The following RBFOX3 variants were observed in gnomAD, a reference collection of about 807,000 sequenced individuals.
RBFOX3 encodes the protein RNA binding protein fox-1 homolog 3.
A neutral mutation model predicts 48.7 loss-of-function variants in RBFOX3; 17 were observed. The ratio of observed to expected loss-of-function variants is 0.35; its 90% CI spans 0.24 to 0.52. The LOEUF (loss-of-function observed/expected upper bound fraction) is 0.52, where lower values mean the gene tolerates loss of function less well. Ranked by LOEUF, RBFOX3 falls within the 20% of genes least tolerant of loss-of-function variation. RBFOX3 has a pLI of 0.94. For missense variants in RBFOX3, 382 were observed against 497.5 expected, an observed-to-expected ratio of 0.77 and a Z score of 2.21; for synonymous variants, 212 against 209.5, an observed-to-expected ratio of 1.01 and a Z score of -0.10.
chr17:79,529,607 G>A (rs2087380448), intron 1 of RBFOX3, among the ~76,000 whole-genome samples: 1 of 152,222 alleles, frequency 6.6e-6, no homozygotes, highest in Non-Finnish European at 1.5e-5. Flanking sequence ...AGAGGGAAGA[G>A]GATGCTTGTG....
At chr17:79,334,878 C>T (rs1387889532) in intron 2 of RBFOX3, among the ~76,000 whole-genome samples, 10 of 152,248 alleles carry the variant, frequency 6.6e-5, no homozygotes, top group African/African-American at 2.2e-4. Context: ...CACCCCCCAA[C>T]CAGCCCAGCC....
rs911207199 is a variant in RBFOX3 at position 79,364,579 on chromosome 17, G to A, written c.-174-56755C>T. On this transcript the variant is annotated intron_variant, in intron 2 of 14. Coordinates refer to ENST00000693108, the MANE Select transcript of RBFOX3 (RefSeq NM_001350451.2). The surrounding 1 kb of genome is among the most constrained non-coding windows in gnomAD (Gnocchi z 5.1). ...TGCAGCTCTGGGGATGAAAAGATGC[G>A]TAAGACAAAGGGGCCAGGGGTTGAA... Among the ~76,000 whole-genome samples, 3 of 152,308 alleles carry A rather than the reference G, an allele frequency of 2.0e-5. No individual in the cohort carries two copies. Among genetic ancestry groups the A allele is most frequent in the African/African-American group, 4.8e-5 (2 of 41,562 alleles).
At chr17:79,525,075 C>T (rs1011986937) in intron 1 of RBFOX3, among the ~76,000 whole-genome samples, 1 of 152,224 alleles carries the variant, frequency 6.6e-6, no homozygotes, top group East Asian at 1.9e-4. Context: ...AAGAGACCAA[C>T]CATGTCTCCC....
Position 79,300,406 on chromosome 17 carries a change from C to T in RBFOX3, c.-74+7318G>A, listed in dbSNP as rs192714835. ...AGAAAGGGAAGTGGGTGATTCCACC[C>T]GAAGTGGGGAGATGTGATCCTATTA... On this transcript the variant is annotated intron_variant, in intron 3 of 14. Coordinates refer to ENST00000693108, the MANE Select transcript of RBFOX3 (RefSeq NM_001350451.2). 6.8e-3 allele frequency among the ~76,000 whole-genome samples: 1,041 copies of T among 152,160 alleles called. 13 individuals carry two copies. The highest frequency in any genetic ancestry group is 0.024 in the African/African-American group (1,004 of 41,512).
At chr17:79,221,246 C>T (rs1020639792) in intron 4 of RBFOX3, among the ~76,000 whole-genome samples, 3 of 152,264 alleles carry the variant, frequency 2.0e-5, no homozygotes, top group African/African-American at 7.2e-5. Flanking sequence ...GGAGCCTGCT[C>T]CACCATCGGC....
chr17:79,513,440 G>C (rs1318263950), intron 1 of RBFOX3, among the ~76,000 whole-genome samples: 1 of 152,162 alleles, frequency 6.6e-6, no homozygotes, highest in Non-Finnish European at 1.5e-5. Flanking sequence ...TTCACCATTG[G>C]GCATGGCTGT....
chr17:79,197,073 G>A (rs1404642288), intron 4 of RBFOX3, among the ~76,000 whole-genome samples: 8 of 152,316 alleles, frequency 5.3e-5, no homozygotes, highest in Admixed American at 2.6e-4. Context: ...AGCTCCTTGC[G>A]TGTTGTTTTA....
intron 2 of RBFOX3, among the ~76,000 whole-genome samples, chr17:79,466,113 C>T (rs868974501): frequency 3.9e-5 from 6 of 152,208 alleles, no homozygotes; most frequent in Non-Finnish European, 5.9e-5. Flanking sequence ...GGTCCCAGAC[C>T]CGGCCTCTGC....
intron 2 of RBFOX3, among the ~76,000 whole-genome samples, chr17:79,314,085 T>C (rs1196541918): frequency 6.6e-6 from 1 of 152,136 alleles, no homozygotes; most frequent in Non-Finnish European, 1.5e-5. Flanking sequence ...TGATCATTCA[T>C]GGAGGGGGCT....
the RBFOX3 span, among the ~76,000 whole-genome samples, chr17:79,635,456 C>T: frequency 6.6e-6 from 1 of 152,180 alleles, no homozygotes; most frequent in Non-Finnish European, 1.5e-5. Flanking sequence ...AGACGATTCT[C>T]TTGGATGCAA....
chr17:79,369,633 G>C (rs2058258597), intron 2 of RBFOX3, among the ~76,000 whole-genome samples: 1 of 152,104 alleles, frequency 6.6e-6, no homozygotes, highest in African/African-American at 2.4e-5. Context: ...CCACCATCTT[G>C]GTCAGTTCTG....
chr17:79,106,736 G>A lies in RBFOX3; in HGVS notation c.275C>T (p.Pro92Leu). The part of the protein sequence containing the change: ...TDSQPLHPSD[P>L]TEKQQPKRLH... ...CCGCTTGGGCTGCTGCTTCTCTGTA[G>A]GGTCGGAGGGGTGGAGCGGCTGGCT... Residue 92 changes from proline to leucine, a missense_variant, in exon 6 of 15, where the codon CCT becomes CTT. This residue lies in a region of RBFOX3 where 118 missense variants were observed against 132.1 expected (regional missense o/e 0.89). Coordinates refer to ENST00000693108, the MANE Select transcript of RBFOX3 (RefSeq NM_001350451.2). 6.6e-7 allele frequency: 1 copy of A among 1,515,812 alleles called. No homozygotes were observed. The highest frequency in any genetic ancestry group is 8.8e-7 in the Non-Finnish European group (1 of 1,133,836). 93.9% of individuals were successfully genotyped at this position (1,515,812 alleles called of 1,614,324 possible).
At chr17:79,457,898 G>A (rs1390406647) in intron 2 of RBFOX3, among the ~76,000 whole-genome samples, 1 of 152,266 alleles carries the variant, frequency 6.6e-6, no homozygotes, top group Non-Finnish European at 1.5e-5. Flanking sequence ...AGGAAAGGGT[G>A]TGGCAGTCAA....
intron 4 of RBFOX3, among the ~76,000 whole-genome samples, chr17:79,193,328 C>T (rs1202923258): frequency 6.6e-6 from 1 of 152,188 alleles, no homozygotes; most frequent in African/African-American, 2.4e-5. Context: ...CAGCCATTCT[C>T]ATTTAAGAGC....
chr17:79,126,353 C>T (rs115609620), intron 4 of RBFOX3, among the ~76,000 whole-genome samples: 4,305 of 152,192 alleles, frequency 0.028, 200 homozygotes, highest in African/African-American at 0.096. Context: ...ATGTGGCAGG[C>T]GGCGATTCAC....
intron 3 of RBFOX3, among the ~76,000 whole-genome samples, chr17:79,247,195 G>C (rs1203848635): frequency 6.6e-6 from 1 of 152,158 alleles, no homozygotes; most frequent in East Asian, 1.9e-4. Context: ...ACGGGAGCCA[G>C]CCGGAGGTCC....
At chr17:79,344,563 A>ATTTATTTATTTC (rs2082594439) in intron 2 of RBFOX3, among the ~76,000 whole-genome samples, 1 of 151,482 alleles carries the variant, frequency 6.6e-6, no homozygotes, top group Non-Finnish European at 1.5e-5. Flanking sequence ...TTATTTATTT[A>ATTTATTTATTTC]TTTATTTAGA....
intron 2 of RBFOX3, among the ~76,000 whole-genome samples, chr17:79,430,845 T>C (rs1362209584): frequency 6.6e-6 from 1 of 152,190 alleles, no homozygotes; most frequent in Non-Finnish European, 1.5e-5. Flanking sequence ...ACACCCGCCC[T>C]GTGCTCAGCA....
At chr17:79,167,129 T>G (rs914415039) in intron 4 of RBFOX3, among the ~76,000 whole-genome samples, 5 of 152,182 alleles carry the variant, frequency 3.3e-5, no homozygotes, top group African/African-American at 1.2e-4. Context: ...AGTTCTTCTC[T>G]TCTGTGAAAT....
Sources: allele counts gnomAD v4.1 joint callset (sites outside exome capture counted in the v4.1 genomes callset), GRCh38; gene constraint gnomAD v4.1.1; regional missense constraint gnomAD v4.1.1; non-coding constraint Gnocchi (gnomAD v3.1); transcripts MANE v1.5; gene names NCBI Gene and HGNC (gene_info 2026-07-23, HGNC 2026-07-21).